The following MSH3 variants were observed in gnomAD, a reference collection of about 807,000 sequenced individuals.
The protein encoded by MSH3 is mutS homolog 3, also known as DNA mismatch repair protein Msh3.
MSH3 carries 106 observed loss-of-function variants against 123.3 expected under a neutral mutation model. The observed-to-expected ratio is 0.86, with a 90% confidence interval of 0.73 to 1.01. The LOEUF (loss-of-function observed/expected upper bound fraction) is 1.01, where lower values mean the gene tolerates loss of function less well. Ranked by LOEUF, MSH3 falls within the 50% of genes least tolerant of loss-of-function variation. MSH3 has a pLI of 0.00. For missense variants in MSH3, 1,459 were observed against 1,347.6 expected, an observed-to-expected ratio of 1.08 and a Z score of -1.29; for synonymous variants, 515 against 481.4, an observed-to-expected ratio of 1.07 and a Z score of -0.91.
intron 2 of MSH3, 117 bp downstream of exon 2, chr5:80,656,648 T>A: frequency 1.4e-6 from 2 of 1,431,256 alleles, no homozygotes; most frequent in Admixed American, 1.9e-5. Flanking sequence ...GAAAGGTCCC[T>A]TTTGTTCCTG....
At chr5:80,700,786 G>A (rs985737879) in intron 8 of MSH3, among the ~76,000 whole-genome samples, 3 of 152,154 alleles carry the variant, frequency 2.0e-5, no homozygotes, top group African/African-American at 4.8e-5. Context: ...AGAAAAAATG[G>A]GGTGTATTTG....
Position 80,792,717 on chromosome 5 carries a change from T to TA in MSH3, c.2544-15dup. 2.0e-6 allele frequency: 3 copies of TA among 1,485,412 alleles called. No individual in the cohort carries two copies. The highest frequency in any genetic ancestry group is 2.8e-6 in the Non-Finnish European group (3 of 1,063,960). The allele number at this position is 1,485,412 out of a possible 1,614,324, so 92.0% of individuals were successfully genotyped here. On this transcript the variant is annotated splice_polypyrimidine_tract_variant and intron_variant, in intron 18 of 23. Transcript: ENST00000265081. The stretch of plus-strand genomic sequence containing the variant: ...TTTCCATGCCTAGTAAATTGAAACA[T>TA]ATTTCTTTTTTGCAGACCAACTGTA...
chr5:80,813,623 A>G lies in MSH3; in HGVS notation c.2695A>G (p.Met899Val), dbSNP rs756956247. 225 of 1,614,028 alleles carry G rather than the reference A, an allele frequency of 1.4e-4. No homozygotes were observed. The highest frequency in any genetic ancestry group is 1.8e-4 in the Non-Finnish European group (214 of 1,179,992). Residue 899 changes from methionine to valine, a missense_variant, in exon 20 of 24, where the codon ATG becomes GTG. By Grantham distance (21) the Met-to-Val change is conservative (BLOSUM62 1). Coordinates refer to ENST00000265081, the MANE Select transcript of MSH3 (RefSeq NM_002439.5). ...AGTAATGATAATTACCGGACCAAAC[A>G]TGGGTGGAAAGAGCTCCTACATAAA... ...ERVMIITGPN[M>V]GGKSSYIKQV...
chr5:80,759,032 T>C (rs1241809253), intron 12 of MSH3, among the ~76,000 whole-genome samples: 1 of 152,238 alleles, frequency 6.6e-6, no homozygotes, highest in Non-Finnish European at 1.5e-5. Flanking sequence ...GTTTATTTTA[T>C]CACAACAATC....
At chr5:80,818,970 G>A (rs147093126) in intron 20 of MSH3, among the ~76,000 whole-genome samples, 9 of 152,258 alleles carry the variant, frequency 5.9e-5, no homozygotes, top group Admixed American at 2.6e-4. Flanking sequence ...CAAACTGTGC[G>A]TATGAAATCA....
chr5:80,718,549 A>G (rs1381400839), intron 8 of MSH3, among the ~76,000 whole-genome samples: 1 of 138,544 alleles, frequency 7.2e-6, no homozygotes, highest in Non-Finnish European at 1.5e-5. Context: ...GGAGTTTTCC[A>G]AAGTCTGGAT....
At chr5:80,842,808 A>G (rs2112092842) in intron 20 of MSH3, among the ~76,000 whole-genome samples, 1 of 152,172 alleles carries the variant, frequency 6.6e-6, no homozygotes. Flanking sequence ...TTTTGGGCTG[A>G]GACGATGGGG....
At chr5:80,875,498 C>G (rs533947261) in intron 23 of MSH3, among the ~76,000 whole-genome samples, 47 of 152,182 alleles carry the variant, frequency 3.1e-4, no homozygotes, top group Non-Finnish European at 5.9e-4. Context: ...CAGGTTCTCC[C>G]CTCTGGGGCT....
At chr5:80,680,392 T>G (rs1484486043) in intron 8 of MSH3, among the ~76,000 whole-genome samples, 1 of 151,936 alleles carries the variant, frequency 6.6e-6, no homozygotes, top group Non-Finnish European at 1.5e-5. Context: ...TTTTTCTGAT[T>G]ATAAAACTAA....
intron 5 of MSH3, 69 bp from the exon 6 acceptor site, chr5:80,672,672 C>G (rs1749749394): frequency 1.6e-6 from 2 of 1,228,496 alleles, no homozygotes; most frequent in South Asian, 2.4e-5. Flanking sequence ...GACGTTTAAA[C>G]ATTTCGAAAT....
chr5:80,833,027 A>G (rs1390793318), intron 20 of MSH3, among the ~76,000 whole-genome samples: 2 of 152,180 alleles, frequency 1.3e-5, no homozygotes, highest in African/African-American at 4.8e-5. Flanking sequence ...TGTTTTTCAA[A>G]TTTCCATGAA....
Position 80,771,028 on chromosome 5 carries a change from G to A in MSH3, c.2253+2025G>A, listed in dbSNP as rs565978285. On this transcript the variant is annotated intron_variant, in intron 15 of 23. Transcript: ENST00000265081. ...TGAATTTGAGGAACAAAGTTTCTTC[G>A]TTATTGATAGTAGGATGGATTCTTG... 1.1e-4 allele frequency among the ~76,000 whole-genome samples: 17 copies of A among 152,200 alleles called. 1 individual carries two copies. The South Asian group carries it at 2.5e-3, about 22-fold the overall frequency.
intron 8 of MSH3, among the ~76,000 whole-genome samples, chr5:80,716,361 G>T (rs1176526454): frequency 6.6e-6 from 1 of 152,028 alleles, no homozygotes; most frequent in African/African-American, 2.4e-5. Context: ...AAAACTTGTT[G>T]AAGTGCTCTA....
intron 8 of MSH3, among the ~76,000 whole-genome samples, chr5:80,686,586 C>T (rs995584773): frequency 3.3e-5 from 5 of 152,080 alleles, no homozygotes; most frequent in African/African-American, 1.2e-4. Context: ...TTACAATTAT[C>T]GTATCCTTTT....
chr5:80,771,980 ATGTT>A (rs59814055), intron 15 of MSH3, among the ~76,000 whole-genome samples: 59 of 152,276 alleles, frequency 3.9e-4, no homozygotes, highest in African/African-American at 1.2e-3. Flanking sequence ...GTATGTATGA[ATGTT>A]TGTGTGTATG....
intron 20 of MSH3, among the ~76,000 whole-genome samples, chr5:80,832,549 G>A (rs560318143): frequency 6.6e-6 from 1 of 151,972 alleles, no homozygotes; most frequent in African/African-American, 2.4e-5. Flanking sequence ...AACCTGGGAG[G>A]CAGAGGTTGT....
At chr5:80,688,426 C>T (rs141493779) in intron 8 of MSH3, among the ~76,000 whole-genome samples, 7 of 152,128 alleles carry the variant, frequency 4.6e-5, no homozygotes, top group South Asian at 2.1e-4. Flanking sequence ...ATTCTTTATG[C>T]GGAGGCATAG....
intron 8 of MSH3, among the ~76,000 whole-genome samples, chr5:80,695,091 T>G (rs896977686): frequency 8.0e-5 from 12 of 150,198 alleles, no homozygotes; most frequent in East Asian, 1.9e-4. Context: ...TTTGTTGTTT[T>G]TTTTTTTTTT....
At chr5:80,753,735 G>A (rs1015019841) in intron 12 of MSH3, among the ~76,000 whole-genome samples, 10 of 151,992 alleles carry the variant, frequency 6.6e-5, no homozygotes, top group African/African-American at 2.4e-4. Flanking sequence ...ATTGGGGGGT[G>A]GGGTGAGACT....
Sources: gnomAD v4.1 joint callset for allele counts (sites outside exome capture counted in the v4.1 genomes callset) on GRCh38, gnomAD v4.1.1 for gene constraint, MANE v1.5 for transcripts, NCBI Gene and HGNC (gene_info 2026-07-23, HGNC 2026-07-21) for gene names.